SNRK: variants seen among roughly 807,000 people sequenced by gnomAD.
The protein encoded by SNRK is SNF related kinase.
SNRK carries 3 observed loss-of-function variants against 48.2 expected under a neutral mutation model. The ratio of observed to expected loss-of-function variants is 0.06; its 90% confidence interval spans 0.03 to 0.16. The LOEUF (loss-of-function observed/expected upper bound fraction) is 0.16. Among genes scored for constraint, SNRK ranks in the 10% least tolerant of loss-of-function variants. The pLI is 1.00. For missense variants in SNRK, 627 were observed against 976.0 expected (o/e 0.64, Z 4.76); for synonymous variants, 376 against 366.1 (o/e 1.03, Z -0.31).
intron 5 of SNRK, among the ~76,000 whole-genome samples, chr3:43,341,420 G>T (rs1237960377): frequency 1.3e-5 from 2 of 152,266 alleles, no homozygotes; most frequent in African/African-American, 4.8e-5. Context: ...CAAAGTGCTG[G>T]GATTACAGGT....
At chr3:43,345,965 G>C (rs1324398734) in intron 6 of SNRK, among the ~76,000 whole-genome samples, 2 of 152,178 alleles carry the variant, frequency 1.3e-5, no homozygotes. Context: ...AGAACTCTTA[G>C]GACTGACTGT....
In SNRK at chr3:43,348,021, A is replaced by G. The variant is rs1377521999; in HGVS notation, c.1762A>G (p.Asn588Asp). 6.2e-7 allele frequency: 1 copy of G among 1,611,780 alleles called. No homozygotes were observed. The highest frequency in any genetic ancestry group is 8.5e-7 in the Non-Finnish European group (1 of 1,178,804). Residue 588 changes from asparagine (N) to aspartate (D), a missense_variant, in exon 7 of 7, where the codon AAT (asparagine) becomes GAT (aspartate). This residue lies in a region of SNRK where 207 missense variants were observed against 234.3 expected (regional missense o/e 0.88). Coordinates refer to ENST00000296088, the MANE Select transcript of SNRK (RefSeq NM_017719.5). ...GDGGGQSKPS[N>D]ASGGVDKASP... ...TGGCGGGGGCCAGAGCAAGCCAAGC[A>G]ATGCCAGTGGAGGGGTGGACAAGGC...
At chr3:43,305,446 A>T (rs2090930070) in intron 3 of SNRK, among the ~76,000 whole-genome samples, 1 of 152,112 alleles carries the variant, frequency 6.6e-6, no homozygotes, top group Non-Finnish European at 1.5e-5. Flanking sequence ...AAACAAAGCA[A>T]ATTGATGAAG....
intron 3 of SNRK, chr3:43,315,286 A>G (rs2091006187): frequency 2.0e-5 from 3 of 152,082 alleles, no homozygotes; most frequent in South Asian, 2.1e-4. Flanking sequence ...TAAGTTGTAC[A>G]GAAATCAATA....
intron 4 of SNRK, chr3:43,333,019 CAG>C (rs1202085282): frequency 2.6e-5 from 4 of 152,074 alleles, no homozygotes; most frequent in African/African-American, 9.7e-5. Flanking sequence ...GCTGTAGAAA[CAG>C]AGTTTTGAGT....
chr3:43,330,123 TA>T (rs1467145042), intron 3 of SNRK, among the ~76,000 whole-genome samples: 1 of 152,196 alleles, frequency 6.6e-6, no homozygotes, highest in Non-Finnish European at 1.5e-5. Flanking sequence ...ACATATGTAT[TA>T]GTGGTTAGGT....
intron 1 of SNRK, among the ~76,000 whole-genome samples, chr3:43,292,433 A>G (rs769287775): frequency 6.6e-6 from 1 of 152,262 alleles, no homozygotes; most frequent in Non-Finnish European, 1.5e-5. Flanking sequence ...CGCTTTGACT[A>G]AACTTAAGTA....
chr3:43,321,169 G>A (rs1432592336), intron 3 of SNRK, among the ~76,000 whole-genome samples: 1 of 152,056 alleles, frequency 6.6e-6, no homozygotes, highest in Non-Finnish European at 1.5e-5. Flanking sequence ...GTATCAAAAT[G>A]AATTTATTAA....
chr3:43,342,595 A>C (rs1277245847), intron 5 of SNRK, among the ~76,000 whole-genome samples: 1 of 152,196 alleles, frequency 6.6e-6, no homozygotes, highest in East Asian at 1.9e-4. Flanking sequence ...AAGTTTCTGA[A>C]AACGTAGTTA....
intron 3 of SNRK, among the ~76,000 whole-genome samples, chr3:43,320,674 T>C (rs2091046921): frequency 6.6e-6 from 1 of 152,200 alleles, no homozygotes; most frequent in Non-Finnish European, 1.5e-5. Flanking sequence ...GGTTTTTTTT[T>C]TCCCCAAATT....
At chr3:43,336,973 C>T (rs1364488934) in intron 4 of SNRK, among the ~76,000 whole-genome samples, 2 of 152,084 alleles carry the variant, frequency 1.3e-5, no homozygotes, top group African/African-American at 2.4e-5. Flanking sequence ...AGGGTGGTCT[C>T]GATCTCCTGA....
chr3:43,332,216 C>A lies in SNRK; in HGVS notation c.637C>A (p.Pro213Thr). 6.2e-7 allele frequency: 1 copy of A among 1,600,996 alleles called. No individual in the cohort carries two copies. Among genetic ancestry groups the A allele is most frequent in the Non-Finnish European group, 8.5e-7 (1 of 1,173,844 alleles). ...VILFMLVCGQ[P>T]PFQEANDSET... ...CCTTTTCATGTTGGTGTGTGGGCAG[C>A]CGCCCTTTCAAGAAGCCAATGACAG... The change falls in exon 4 of 7, where the codon CCG (proline) becomes ACG (threonine). Residue 213 changes from proline (P) to threonine (T), a missense_variant. By Grantham distance (38) the Pro-to-Thr change is conservative (BLOSUM62 -1). Around this residue, in one of 4 missense-constraint regions of SNRK, gnomAD observed 147 missense variants for 356.8 expected, o/e 0.41. Transcript: ENST00000296088.
chr3:43,333,975 G>T (rs1347437270), intron 4 of SNRK, among the ~76,000 whole-genome samples: 1 of 152,072 alleles, frequency 6.6e-6, no homozygotes, highest in Non-Finnish European at 1.5e-5. Context: ...GTGAAACCCT[G>T]TCTCTACTAA....
chr3:43,342,560 TGTGA>T lies in SNRK; in HGVS notation c.945-781_945-778del, dbSNP rs368620509. Among the ~76,000 whole-genome samples the T allele has an allele frequency of 1.8e-3, 274 of 152,348 alleles. 1 individual carries two copies. Among genetic ancestry groups the T allele is most frequent in the African/African-American group, 6.3e-3 (260 of 41,576 alleles). On this transcript the variant is annotated intron_variant, in intron 5 of 6. Transcript: ENST00000296088. ...TTGCTTCTTTCCTAAGTGTTCATTG[TGTGA>T]GTATTTTCAGTAACTACAGAAAGTT...
rs2090914853 is a variant in SNRK at position 43,303,747 on chromosome 3, G to A, written c.544G>A (p.Ala182Thr). The A allele has an allele frequency of 6.2e-7, 1 of 1,613,586 alleles. No homozygotes were observed. The change falls in exon 3 of 7, where the codon GCT (alanine) becomes ACT (threonine). Residue 182 changes from alanine (A) to threonine (T), a missense_variant. Around this residue, in one of 4 missense-constraint regions of SNRK, gnomAD observed 147 missense variants for 356.8 expected, o/e 0.41. Coordinates refer to ENST00000296088, the MANE Select transcript of SNRK (RefSeq NM_017719.5). This position sits in a 1 kb window ranked among gnomAD's most constrained non-coding sequence, Gnocchi z 6.2. Reference protein sequence around the residue: ...TTSCGSLAYSAPEILLGDEYD... With the variant: ...TTSCGSLAYSTPEILLGDEYD... ...AAGCTGTGGATCTCTTGCATATTCCGCTCCAGAAATTCTGCTTGGTGATGA... is the reference window on the plus strand; with the variant it reads ...AAGCTGTGGATCTCTTGCATATTCCACTCCAGAAATTCTGCTTGGTGATGA...
intron 3 of SNRK, among the ~76,000 whole-genome samples, chr3:43,314,346 C>A (rs1453587989): frequency 2.0e-5 from 3 of 152,122 alleles, no homozygotes; most frequent in African/African-American, 7.2e-5. Context: ...AAATTGCTAT[C>A]CCTGGTCTAT....
At chr3:43,328,590 A>AAT (rs2091113527) in intron 3 of SNRK, among the ~76,000 whole-genome samples, 1 of 152,116 alleles carries the variant, frequency 6.6e-6, no homozygotes, top group Non-Finnish European at 1.5e-5. Context: ...TTTGTGGAGG[A>AAT]ATATGGTGGA....
At chr3:43,312,100 T>TTCTA (rs2090982827) in intron 3 of SNRK, among the ~76,000 whole-genome samples, 1 of 152,184 alleles carries the variant, frequency 6.6e-6, no homozygotes, top group South Asian at 2.1e-4. Flanking sequence ...GTTACAGATC[T>TTCTA]GGATTTAAAA....
chr3:43,288,738 G>A (rs1352936606), intron 1 of SNRK, among the ~76,000 whole-genome samples: 1 of 152,146 alleles, frequency 6.6e-6, no homozygotes, highest in Non-Finnish European at 1.5e-5. Context: ...ACTTTCCATA[G>A]GCCAGAATCT....
Sources: allele counts gnomAD v4.1 joint callset (sites outside exome capture counted in the v4.1 genomes callset), GRCh38; gene constraint gnomAD v4.1.1; regional missense constraint gnomAD v4.1.1; non-coding constraint Gnocchi (gnomAD v3.1); transcripts MANE v1.5; gene names NCBI Gene and HGNC (gene_info 2026-07-23, HGNC 2026-07-21).